SETD9: variants seen among roughly 807,000 people sequenced by gnomAD.
The protein encoded by SETD9 is SET domain containing 9.
SETD9 carries 37 observed loss-of-function variants against 36.4 expected under a neutral mutation model. That is an observed-to-expected ratio of 1.02 (90% CI 0.78 to 1.34). The LOEUF (loss-of-function observed/expected upper bound fraction) is 1.34. Ranked by LOEUF, SETD9 falls within the 40% of genes most tolerant of loss-of-function variation. SETD9 has a pLI of 0.00. For synonymous variants in SETD9, 128 were observed against 132.9 expected (o/e 0.96, Z 0.26); for missense variants, 323 against 353.2 (o/e 0.91, Z 0.69).
chr5:56,910,351 A>G (rs1749051810), intron 1 of SETD9: 1 of 1,304,162 alleles, frequency 7.7e-7, no homozygotes, highest in Admixed American at 2.3e-5. Flanking sequence ...GAACGGGCAG[A>G]ACGCCACTCA....
Position 56,916,790 on chromosome 5 carries a change from CTTTTGTATATCTTTTTGT to C in SETD9, c.813-21_813-4del. 2 of 1,593,830 alleles carry C rather than the reference CTTTTGTATATCTTTTTGT, an allele frequency of 1.3e-6. No individual in the cohort carries two copies. Among genetic ancestry groups the C allele is most frequent in the Non-Finnish European group, 1.7e-6 (2 of 1,173,406 alleles). ...GAGCTTATATTTGTTAATGCTCTAC[CTTTTGTATATCTTTTTGT>C]TTTCAGCCCACTTCGATGTGTTGTT... On this transcript the variant is annotated splice_region_variant and splice_polypyrimidine_tract_variant and intron_variant, in intron 5 of 5. Transcript: ENST00000285947.
intron 2 of SETD9, chr5:56,912,103 C>T (rs1198051639): frequency 7.2e-6 from 6 of 829,036 alleles, no homozygotes; most frequent in Admixed American, 6.3e-5. Context: ...TGCAGTGAGC[C>T]GAGATTGTGC....
chr5:56,920,689 TAA>T (rs1266290326), downstream of SETD9: 2 of 152,050 alleles, frequency 1.3e-5, no homozygotes, highest in Non-Finnish European at 2.9e-5. Flanking sequence ...TTTACATGGA[TAA>T]AGTCATAGTG....
intron 1 of SETD9, chr5:56,910,054 G>C (rs912450460): frequency 9.3e-6 from 12 of 1,295,908 alleles, no homozygotes; most frequent in South Asian, 1.6e-5. Context: ...CTGCGCTGCC[G>C]GGCCCGCGAG....
At chr5:56,915,838 C>T (rs1265334558) in intron 5 of SETD9, among the ~76,000 whole-genome samples, 1 of 152,022 alleles carries the variant, frequency 6.6e-6, no homozygotes, top group Non-Finnish European at 1.5e-5. Context: ...GTGGTGTGTA[C>T]CTGTAGTCCC....
Position 56,913,856 on chromosome 5 carries a change from T to C in SETD9, c.591-18T>C. ...TTTAAGATACAGATCCATTAGCTAA[T>C]GCTTTCACTTGTTTCAGATCTTGCA... On this transcript the variant is annotated intron_variant, in intron 3 of 5. Transcript: ENST00000285947. 6.7e-7 allele frequency: 1 copy of C among 1,490,738 alleles called. No individual in the cohort carries two copies. Among genetic ancestry groups the C allele is most frequent in the Non-Finnish European group, 9.4e-7 (1 of 1,067,036 alleles). 92.3% of individuals were successfully genotyped at this position (1,490,738 alleles called of 1,614,324 possible). A position where few individuals can be genotyped will look rare whatever the true frequency, so the allele number is the denominator to read the frequency against.
intron 2 of SETD9, chr5:56,912,202 C>G: frequency 1.0e-6 from 1 of 984,456 alleles, no homozygotes; most frequent in Non-Finnish European, 1.2e-6. Context: ...TAAAAGACAA[C>G]ATTTAAACCC....
At chr5:56,923,099 C>T (rs1749750579) in intron 5 of SETD9, 5 of 1,594,856 alleles carry the variant, frequency 3.1e-6, no homozygotes, top group South Asian at 2.2e-5. Flanking sequence ...ACTGGTGCTG[C>T]ACACGCAGTT....
At chr5:56,910,158 T>A in intron 1 of SETD9, 1 of 1,214,994 alleles carries the variant, frequency 8.2e-7, no homozygotes, top group Non-Finnish European at 1.0e-6. Context: ...GGAAACTTTT[T>A]AAAAAGACTG....
At chr5:56,927,332 T>A (rs1313724302), downstream of SETD9, among the ~76,000 whole-genome samples, 2 of 152,048 alleles carry the variant, frequency 1.3e-5, no homozygotes, top group African/African-American at 4.8e-5. Context: ...ATAATAACTA[T>A]AGGAGTGGAA....
chr5:56,909,925 A>T, intron 1 of SETD9, 182 bp downstream of exon 1: 1 of 1,045,346 alleles, frequency 9.6e-7, no homozygotes, highest in Non-Finnish European at 1.3e-6. Context: ...GGAGGGGTTT[A>T]AGGAACGCGG....
At chr5:56,924,969 G>C (rs1189976459) in intron 5 of SETD9, among the ~76,000 whole-genome samples, 1 of 152,292 alleles carries the variant, frequency 6.6e-6, no homozygotes, top group East Asian at 1.9e-4. Flanking sequence ...GAGAATGCAG[G>C]CTTCGTGGGG....
chr5:56,925,956 A>G (rs1749955647), downstream of SETD9, among the ~76,000 whole-genome samples: 1 of 152,094 alleles, frequency 6.6e-6, no homozygotes, highest in Admixed American at 6.6e-5. Flanking sequence ...GGTACAGTCA[A>G]CTGATCTTTA....
downstream of SETD9, among the ~76,000 whole-genome samples, chr5:56,917,953 C>A (rs1259161630): frequency 6.6e-6 from 1 of 152,234 alleles, no homozygotes; most frequent in African/African-American, 2.4e-5. Context: ...ACCTTCACTT[C>A]CTTACCACCA....
chr5:56,914,189 T>A (rs1749307275), intron 4 of SETD9, among the ~76,000 whole-genome samples, 200 bp downstream of exon 4: 1 of 152,196 alleles, frequency 6.6e-6, no homozygotes, highest in Non-Finnish European at 1.5e-5. Flanking sequence ...ATTGTTTAAT[T>A]TACTATTTTT....
intron 5 of SETD9, among the ~76,000 whole-genome samples, chr5:56,915,318 A>G (rs958558781): frequency 9.8e-5 from 15 of 152,310 alleles, no homozygotes; most frequent in Non-Finnish European, 1.9e-4. Context: ...ACCTTATAAG[A>G]AAGCATCCAA....
intron 1 of SETD9, chr5:56,910,018 G>A (rs906879020): frequency 4.5e-5 from 61 of 1,352,004 alleles, no homozygotes; most frequent in Non-Finnish European, 5.4e-5. Flanking sequence ...GGTGGGCGGG[G>A]CCTATGGCCT....
Position 56,917,005 on chromosome 5 carries a change from G to T in SETD9, c.*103G>T. On this transcript the variant is annotated 3_prime_UTR_variant, in exon 6 of 6. Transcript: ENST00000285947. ...TCTACCTGTAAAACAAATATTTTGAGACTTAATTGGAATAGGAATTTCTTA... is the reference window on the plus strand; with the variant it reads ...TCTACCTGTAAAACAAATATTTTGATACTTAATTGGAATAGGAATTTCTTA... 7.3e-7 allele frequency: 1 copy of T among 1,379,020 alleles called. No homozygotes were observed. Among genetic ancestry groups the T allele is most frequent in the East Asian group, 3.0e-5 (1 of 33,848 alleles). The allele number at this position is 1,379,020 out of a possible 1,614,324, so 85.4% of individuals were successfully genotyped here. A position where few individuals can be genotyped will look rare whatever the true frequency, so the allele number is the denominator to read the frequency against.
At chr5:56,918,912 GT>G (rs976916445), downstream of SETD9, among the ~76,000 whole-genome samples, 17 of 152,168 alleles carry the variant, frequency 1.1e-4, no homozygotes, top group African/African-American at 4.1e-4. Flanking sequence ...TTAAAAAGAT[GT>G]TTAGGAAAGA....
Sources: gnomAD v4.1 joint callset for allele counts (sites outside exome capture counted in the v4.1 genomes callset) on GRCh38, gnomAD v4.1.1 for gene constraint, MANE v1.5 for transcripts, NCBI Gene and HGNC (gene_info 2026-07-23, HGNC 2026-07-21) for gene names.